The following FRMPD3 variants were observed in gnomAD, a reference collection of about 807,000 sequenced individuals.
FRMPD3 encodes FERM and PDZ domain containing 3.
Under a neutral mutation model 97.9 loss-of-function variants are expected in FRMPD3, and 42 were observed. That is an observed-to-expected ratio of 0.43 (90% confidence interval 0.34 to 0.55). The LOEUF (loss-of-function observed/expected upper bound fraction) is 0.55, where lower values mean the gene tolerates loss of function less well. Ranked by LOEUF, FRMPD3 falls within the 20% of genes least tolerant of loss-of-function variation. The pLI is 0.03. For synonymous variants in FRMPD3, 577 were observed against 581.1 expected, an observed-to-expected ratio of 0.99 and a Z score of 0.10; for missense variants, 1,303 against 1,457.7, an observed-to-expected ratio of 0.89 and a Z score of 1.73.
intron 1 of FRMPD3, among the ~76,000 whole-genome samples, chrX:107,504,039 T>TAA (rs1921974858): frequency 8.9e-6 from 1 of 112,499 alleles, no homozygotes; most frequent in African/African-American, 3.2e-5. Flanking sequence ...CATCAGCCTG[T>TAA]CTGGAGTGGC....
chrX:107,553,958 A>G (rs1412031475), intron 7 of FRMPD3, among the ~76,000 whole-genome samples: 1 of 112,186 alleles, frequency 8.9e-6, no homozygotes, highest in East Asian at 2.8e-4. Flanking sequence ...TTTCATCTGT[A>G]CCTTGAAATA....
At chrX:107,502,616 G>T (rs963748526) in intron 1 of FRMPD3, among the ~76,000 whole-genome samples, 1 of 110,744 alleles carries the variant, frequency 9.0e-6, no homozygotes, top group Admixed American at 9.5e-5. Context: ...GAGGCAGGAA[G>T]TCGGGCACCA....
chrX:107,502,625 C>G (rs919537343), intron 1 of FRMPD3, among the ~76,000 whole-genome samples: 2 of 110,281 alleles, frequency 1.8e-5, no homozygotes, highest in Non-Finnish European at 3.8e-5. Flanking sequence ...AGTCGGGCAC[C>G]AATTCAAAAA....
intron 1 of FRMPD3, among the ~76,000 whole-genome samples, chrX:107,498,834 T>C (rs1921837693): frequency 9.0e-6 from 1 of 111,494 alleles, no homozygotes; most frequent in South Asian, 3.8e-4. Flanking sequence ...CCACCTATTC[T>C]ACAGGAGAGA....
intron 4 of FRMPD3, among the ~76,000 whole-genome samples, chrX:107,536,056 A>G (rs1366889122): frequency 8.9e-6 from 1 of 111,989 alleles, no homozygotes; most frequent in East Asian, 2.8e-4. Flanking sequence ...TTTCAAAAAT[A>G]TTATATAAAT....
chrX:107,593,039 G>A (rs1448509210), intron 13 of FRMPD3, among the ~76,000 whole-genome samples: 1 of 111,400 alleles, frequency 9.0e-6, no homozygotes, highest in African/African-American at 3.3e-5. Flanking sequence ...GCTTCCCAAA[G>A]TGCTGGGATT....
intron 1 of FRMPD3, among the ~76,000 whole-genome samples, chrX:107,493,171 C>T (rs1222479398): frequency 1.3e-4 from 8 of 63,243 alleles, no homozygotes; most frequent in Non-Finnish European, 2.1e-4. Context: ...CAAAGCGAGA[C>T]CCTGTCAAAA....
chrX:107,603,557 T>G lies in FRMPD3; in HGVS notation c.*184T>G. The G allele has an allele frequency of 3.2e-6, 3 of 946,515 alleles. No individual in the cohort carries two copies. Among genetic ancestry groups the G allele is most frequent in the Non-Finnish European group, 4.2e-6 (3 of 721,827 alleles). 78.0% of individuals were successfully genotyped at this position (946,515 alleles called of 1,213,427 possible). Reference sequence around the variant, plus strand: ...CTCTCTTAAGGGCTGCAGGCTTAGCTGCCGCCCTGGGTGTCCTCACCCCTT... The same window carrying G: ...CTCTCTTAAGGGCTGCAGGCTTAGCGGCCGCCCTGGGTGTCCTCACCCCTT... On this transcript the variant is annotated 3_prime_UTR_variant, in exon 15 of 15. Transcript: ENST00000683843.
intron 1 of FRMPD3, among the ~76,000 whole-genome samples, chrX:107,505,479 A>G (rs1261980566): frequency 3.6e-5 from 4 of 112,295 alleles, no homozygotes; most frequent in African/African-American, 1.3e-4. Context: ...TATTTGCTAA[A>G]TGACCAGGAG....
rs6622241 is a variant in FRMPD3, at chrX:107,585,782, G to A, written c.1441+9323G>A. On this transcript the variant is annotated intron_variant, in intron 13 of 14. Transcript: ENST00000683843. ...TATGTTGAACCAGCCTTGCATCCCAGGGATGAAGCCAACTTGATTGTTATG... is the reference window on the plus strand; with the variant it reads ...TATGTTGAACCAGCCTTGCATCCCAAGGATGAAGCCAACTTGATTGTTATG... Among the ~76,000 whole-genome samples the A allele has an allele frequency of 2.7e-5, 3 of 112,245 alleles. No individual in the cohort carries two copies. In the Admixed American group the frequency reaches 2.9e-4, roughly 11 times the overall value.
chrX:107,548,576 C>G (rs1921719093), intron 5 of FRMPD3, among the ~76,000 whole-genome samples: 2 of 112,930 alleles, frequency 1.8e-5, no homozygotes, highest in African/African-American at 6.4e-5. Context: ...ATAAATAGGA[C>G]ATGGTCTTTG....
chrX:107,601,894 G>A lies in FRMPD3; in HGVS notation c.3855G>A (p.Val1285=), dbSNP rs777251869. Reference sequence around the variant, plus strand: ...GCTGCCAGCTCCGCAGCAGCCCTGTGCAGCAGGGGCCTGGCATGTCCCGTG... The same window carrying A: ...GCTGCCAGCTCCGCAGCAGCCCTGTACAGCAGGGGCCTGGCATGTCCCGTG... ...RCSCQLRSSP[V]QQGPGMSREQ... is the part of the protein sequence containing the mutation. The change falls in exon 15 of 15, where the codon GTG becomes GTA. Residue 1285 remains valine, a synonymous_variant. Transcript: ENST00000683843. The A allele has an allele frequency of 5.8e-6, 7 of 1,204,489 alleles. 1 individual carries two copies. The Admixed American group carries it at 1.3e-4, about 23-fold the overall frequency.
At position 107,459,361 on chromosome X, in the gene FRMPD3, G is replaced by A. The variant is rs946588468; in HGVS notation, c.-8+9356G>A. On this transcript the variant is annotated intron_variant, in intron 1 of 14. Transcript: ENST00000683843. ...GCACTTGGGAATCATCTCAGTGAAG[G>A]TCACACCTGTGCCAGAGTATGGCAA... Among the ~76,000 whole-genome samples, 8 of 112,449 alleles carry A rather than the reference G, an allele frequency of 7.1e-5. No homozygotes were observed. The South Asian group carries it at 3.0e-3, about 42-fold the overall frequency.
intron 9 of FRMPD3, 30 bp downstream of exon 9, chrX:107,560,423 G>C: frequency 8.3e-7 from 1 of 1,204,236 alleles, no homozygotes; most frequent in Non-Finnish European, 1.1e-6. Context: ...GTTGGGATGG[G>C]GGGCGAATAG....
chrX:107,580,127 A>T lies in FRMPD3; in HGVS notation c.1441+3668A>T, dbSNP rs773997964. 9.8e-5 allele frequency among the ~76,000 whole-genome samples: 11 copies of T among 111,973 alleles called. No homozygotes were observed. The East Asian group carries it at 2.5e-3, about 26-fold the overall frequency. ...CACAGACCGTATGTTTATATATATA[A>T]AAATAAGCTGCATATATTTTCAAAC... On this transcript the variant is annotated intron_variant, in intron 13 of 14. Transcript: ENST00000683843.
intron 1 of FRMPD3, among the ~76,000 whole-genome samples, chrX:107,466,797 C>G (rs375941238): frequency 4.5e-5 from 5 of 111,729 alleles, no homozygotes; most frequent in African/African-American, 1.6e-4. Flanking sequence ...ACCATAGATT[C>G]CTCTGGAAGC....
At chrX:107,567,512 TG>T (rs1167673485) in intron 12 of FRMPD3, among the ~76,000 whole-genome samples, 2 of 112,230 alleles carry the variant, frequency 1.8e-5, no homozygotes, top group African/African-American at 6.5e-5. Flanking sequence ...TGTTTTAAGC[TG>T]GATCTTGAAG....
intron 13 of FRMPD3, among the ~76,000 whole-genome samples, chrX:107,580,361 G>A (rs897353403): frequency 8.9e-6 from 1 of 112,004 alleles, no homozygotes; most frequent in Non-Finnish European, 1.9e-5. Context: ...CTAATCTTCT[G>A]CCAGGAGGAG....
rs1921922153 is a variant in FRMPD3 at position 107,552,838 on chromosome X, T to C, written c.554T>C (p.Ile185Thr). ...TLQDRLSLRFIEHFALVLEYA... is the reference protein window; with the variant it reads ...TLQDRLSLRFTEHFALVLEYA... Reference sequence around the variant, plus strand: ...CAGGACCGCCTTTCCCTGAGGTTCATTGAGCACTTTGCTCTTGTCCTTGAG... The same window carrying C: ...CAGGACCGCCTTTCCCTGAGGTTCACTGAGCACTTTGCTCTTGTCCTTGAG... Residue 185 changes from isoleucine (I) to threonine (T), a missense_variant, in exon 7 of 15, where the codon ATT becomes ACT. Around this residue, in one of 3 missense-constraint regions of FRMPD3, gnomAD observed 535 missense variants for 618.6 expected, o/e 0.86. Transcript: ENST00000683843. 1.7e-6 allele frequency: 2 copies of C among 1,210,384 alleles called. No individual in the cohort carries two copies. Among genetic ancestry groups the C allele is most frequent in the East Asian group, 3.0e-5 (1 of 33,832 alleles).
Sources: gnomAD v4.1 joint callset for allele counts (sites outside exome capture counted in the v4.1 genomes callset) on GRCh38, gnomAD v4.1.1 for gene constraint, gnomAD v4.1.1 regional missense constraint, MANE v1.5 for transcripts, NCBI Gene and HGNC (gene_info 2026-07-23, HGNC 2026-07-21) for gene names.